ATG10: variants seen among roughly 807,000 people sequenced by gnomAD.
The protein encoded by ATG10 is autophagy related 10.
In ATG10, 30 loss-of-function variants were observed where a neutral mutation model predicts 32.1. The ratio of observed to expected loss-of-function variants is 0.94; its 90% CI spans 0.70 to 1.27. ATG10 has a LOEUF of 1.27. Among genes scored for constraint, ATG10 ranks in the 50% most tolerant of loss-of-function variants. ATG10 has a pLI of 0.00. For synonymous variants in ATG10, 87 were observed against 91.5 expected (o/e 0.95, Z 0.28); for missense variants, 233 against 262.3 (o/e 0.89, Z 0.77).
At chr5:82,011,049 T>C (rs1420553330) in intron 2 of ATG10, among the ~76,000 whole-genome samples, 1 of 152,258 alleles carries the variant, frequency 6.6e-6, no homozygotes, top group Non-Finnish European at 1.5e-5. Context: ...TATTTCTGTA[T>C]GCTACTTATC....
chr5:82,164,467 A>C lies in ATG10; in HGVS notation c.285A>C (p.Lys95Asn). 6.2e-7 allele frequency: 1 copy of C among 1,613,758 alleles called. No homozygotes were observed. The highest frequency in any genetic ancestry group is 1.3e-5 in the African/African-American group (1 of 75,024). Residue 95 changes from lysine (K) to asparagine (N), a missense_variant, in exon 4 of 8, where the codon AAA (lysine) becomes AAC (asparagine). Coordinates refer to ENST00000282185, the MANE Select transcript of ATG10 (RefSeq NM_031482.5). ...IETAAASEVI[K>N]YEYHVLYSCS... The stretch of plus-strand genomic sequence containing the variant: ...CTGCAGCAGCGTCCGAAGTGATTAA[A>C]TATGAGTATCATGTCTTATATTCCT...
At chr5:82,013,803 C>T (rs1762200317) in intron 2 of ATG10, among the ~76,000 whole-genome samples, 1 of 151,920 alleles carries the variant, frequency 6.6e-6, no homozygotes, top group Non-Finnish European at 1.5e-5. Context: ...TGTATATCTT[C>T]TTTTGAGAAT....
At chr5:82,067,650 T>A (rs1437299848) in intron 3 of ATG10, among the ~76,000 whole-genome samples, 2 of 152,178 alleles carry the variant, frequency 1.3e-5, no homozygotes, top group Admixed American at 1.3e-4. Flanking sequence ...AATGGCTTCT[T>A]AAGGTTACTT....
intron 3 of ATG10, among the ~76,000 whole-genome samples, chr5:82,076,545 G>A (rs540639275): frequency 6.6e-6 from 1 of 152,216 alleles, no homozygotes; most frequent in East Asian, 1.9e-4. Flanking sequence ...TTCTTGTGTT[G>A]TGAGTGTAGC....
intron 1 of ATG10, among the ~76,000 whole-genome samples, chr5:81,972,826 A>G (rs1760763342): frequency 1.3e-5 from 2 of 152,156 alleles, no homozygotes; most frequent in Non-Finnish European, 2.9e-5. Context: ...AGAATGATAA[A>G]GGAATAGTTG....
intron 5 of ATG10, among the ~76,000 whole-genome samples, chr5:82,247,662 T>C (rs557261429): frequency 6.6e-6 from 1 of 152,232 alleles, no homozygotes; most frequent in Non-Finnish European, 1.5e-5. Flanking sequence ...ATAATGAATT[T>C]TCCCCCTGGT....
intron 3 of ATG10, among the ~76,000 whole-genome samples, chr5:82,086,561 A>G (rs761712433): frequency 6.6e-6 from 1 of 152,126 alleles, no homozygotes; most frequent in Non-Finnish European, 1.5e-5. Context: ...TGGCTTTTTC[A>G]GGATAGTTGG....
At chr5:82,203,445 G>T (rs888388703) in intron 5 of ATG10, among the ~76,000 whole-genome samples, 2 of 152,074 alleles carry the variant, frequency 1.3e-5, no homozygotes, top group African/African-American at 4.8e-5. Flanking sequence ...TGCTACTATC[G>T]TTAACTTTTC....
chr5:81,977,996 G>C lies in ATG10; in HGVS notation c.-13+5690G>C, dbSNP rs1162703682. On this transcript the variant is annotated intron_variant, in intron 1 of 7. Coordinates refer to ENST00000282185, the MANE Select transcript of ATG10 (RefSeq NM_031482.5). ...TTTCCAAAATAAAAATATGGCACTT[G>C]GTAGTATATTTTAAAGACACTTTGC... Among the ~76,000 whole-genome samples, 6 of 152,246 alleles carry C rather than the reference G, an allele frequency of 3.9e-5. No homozygotes were observed. In the East Asian group the frequency reaches 1.2e-3, roughly 29 times the overall value.
intron 2 of ATG10, among the ~76,000 whole-genome samples, chr5:82,035,956 G>A (rs1268894456): frequency 2.0e-5 from 3 of 151,788 alleles, no homozygotes. Flanking sequence ...CAGTGGCTTT[G>A]GGTTGGTGTT....
At chr5:82,093,306 C>T (rs934463520) in intron 3 of ATG10, among the ~76,000 whole-genome samples, 1 of 152,128 alleles carries the variant, frequency 6.6e-6, no homozygotes, top group Non-Finnish European at 1.5e-5. Context: ...AGTATTTTTT[C>T]TCTAACATTT....
chr5:82,141,499 T>A (rs893265471), intron 3 of ATG10, among the ~76,000 whole-genome samples: 1 of 152,096 alleles, frequency 6.6e-6, no homozygotes, highest in Admixed American at 6.5e-5. Context: ...ATAATCCTAG[T>A]TTGGAGAGGG....
chr5:82,228,478 A>T (rs539559339), intron 5 of ATG10, among the ~76,000 whole-genome samples: 1 of 152,196 alleles, frequency 6.6e-6, no homozygotes, highest in Non-Finnish European at 1.5e-5. Flanking sequence ...AAGATGATCA[A>T]TAAAAAGCTT....
chr5:82,215,092 G>A (rs72778510), intron 5 of ATG10, among the ~76,000 whole-genome samples: 17,123 of 152,222 alleles, frequency 0.11, 1,129 homozygotes, highest in African/African-American at 0.19. Flanking sequence ...GCATGGCTTA[G>A]ATGAGTCCTC....
intron 2 of ATG10, among the ~76,000 whole-genome samples, chr5:81,990,915 G>A (rs908242967): frequency 6.6e-6 from 1 of 152,152 alleles, no homozygotes; most frequent in East Asian, 1.9e-4. Context: ...TTTAGATGTT[G>A]GCAACTAATT....
At chr5:82,188,793 T>C (rs1744551160) in intron 5 of ATG10, among the ~76,000 whole-genome samples, 1 of 152,094 alleles carries the variant, frequency 6.6e-6, no homozygotes, top group Admixed American at 6.6e-5. Context: ...CTCAGAAAGA[T>C]GCTATTTGTT....
chr5:82,014,730 C>T lies in ATG10; in HGVS notation c.108+27052C>T, dbSNP rs557709147. Among the ~76,000 whole-genome samples, 4 of 152,270 alleles carry T rather than the reference C, an allele frequency of 2.6e-5. No homozygotes were observed. The East Asian group carries it at 5.8e-4, about 22-fold the overall frequency. On this transcript the variant is annotated intron_variant, in intron 2 of 7. Transcript: ENST00000282185. ...TTTTGAGCCTATGTGTGTCTCTGCA[C>T]GTGAGATGGGTCTCCTGAATACAGC... is the stretch of plus-strand genomic sequence containing the variant.
chr5:82,110,707 G>A (rs2149813991), intron 3 of ATG10, among the ~76,000 whole-genome samples: 1 of 152,194 alleles, frequency 6.6e-6, no homozygotes, highest in South Asian at 2.1e-4. Flanking sequence ...TTAGCCCTTT[G>A]TCAGATGAGT....
intron 3 of ATG10, among the ~76,000 whole-genome samples, chr5:82,142,695 T>C (rs910816047): frequency 6.6e-6 from 1 of 152,092 alleles, no homozygotes; most frequent in African/African-American, 2.4e-5. Context: ...GGTTGAAATG[T>C]GAATTAGGAC....
Sources: allele counts gnomAD v4.1 joint callset (sites outside exome capture counted in the v4.1 genomes callset), GRCh38; gene constraint gnomAD v4.1.1; transcripts MANE v1.5; gene names NCBI Gene and HGNC (gene_info 2026-07-23, HGNC 2026-07-21).